SMAD4: variants seen among roughly 807,000 people sequenced by gnomAD.
SMAD4 encodes the protein MAD homolog 4.
SMAD4 carries 7 observed loss-of-function variants against 63.2 expected under a neutral mutation model. That is an observed-to-expected ratio of 0.11 (90% CI 0.06 to 0.21). The LOEUF (loss-of-function observed/expected upper bound fraction) is 0.21, where lower values mean the gene tolerates loss of function less well. SMAD4 is among the 10% of genes least tolerant of loss of function. SMAD4 has a pLI of 1.00. For missense variants in SMAD4, 312 were observed against 693.8 expected (o/e 0.45, Z 6.18); for synonymous variants, 215 against 235.4 (o/e 0.91, Z 0.79).
At chr18:51,063,944 G>GCAA (rs1437228956) in intron 8 of SMAD4, among the ~76,000 whole-genome samples, 1 of 152,126 alleles carries the variant, frequency 6.6e-6, no homozygotes, top group African/African-American at 2.4e-5. Flanking sequence ...GCATTGGAAA[G>GCAA]TATTTTATTG....
intron 1 of SMAD4, among the ~76,000 whole-genome samples, chr18:51,046,252 C>T (rs774725977): frequency 5.3e-5 from 8 of 152,174 alleles, no homozygotes; most frequent in Non-Finnish European, 8.8e-5. Flanking sequence ...TCCAATTTCT[C>T]GGCTTCTTCA....
chr18:51,081,979 C>T lies in SMAD4; in HGVS notation c.*3512C>T, dbSNP rs1473089079. 1 of 231,934 alleles carries T rather than the reference C, an allele frequency of 4.3e-6. No individual in the cohort carries two copies. The highest frequency in any genetic ancestry group is 8.5e-6 in the Non-Finnish European group (1 of 117,362). 14.4% of individuals were successfully genotyped at this position (231,934 alleles called of 1,614,324 possible). A position where few individuals can be genotyped will look rare whatever the true frequency, so the allele number is the denominator to read the frequency against. Reference sequence around the variant, plus strand: ...AGAGTCACATTAGTTCACACCCTTTCTGAGAGCCTTTTGGGAGAAGCAGTT... The same window carrying T: ...AGAGTCACATTAGTTCACACCCTTTTTGAGAGCCTTTTGGGAGAAGCAGTT... On this transcript the variant is annotated 3_prime_UTR_variant, in exon 12 of 12. Coordinates refer to ENST00000342988, the MANE Select transcript of SMAD4 (RefSeq NM_005359.6).
intron 8 of SMAD4, among the ~76,000 whole-genome samples, chr18:51,061,743 T>G (rs1910021120): frequency 6.6e-6 from 1 of 152,218 alleles, no homozygotes; most frequent in Admixed American, 6.5e-5. Flanking sequence ...GTTTTATATG[T>G]AAATATCTTA....
rs1910636408 is a variant in SMAD4, at chr18:51,082,600, CAG to C, written c.*4136_*4137del. The C allele has an allele frequency of 4.4e-6, 1 of 229,762 alleles. No homozygotes were observed. The highest frequency in any genetic ancestry group is 2.2e-5 in the African/African-American group (1 of 45,004). The allele number at this position is 229,762 out of a possible 1,614,324, so 14.2% of individuals were successfully genotyped here. A position where few individuals can be genotyped will look rare whatever the true frequency, so the allele number is the denominator to read the frequency against. ...TGGTGGAGTTATTTAATATGTATAT[CAG>C]AGGATATACTAGATGGTAACATTTC... On this transcript the variant is annotated 3_prime_UTR_variant, in exon 12 of 12. Transcript: ENST00000342988.
chr18:51,066,403 C>G (rs796115105), intron 9 of SMAD4, among the ~76,000 whole-genome samples: 9 of 150,718 alleles, frequency 6.0e-5, no homozygotes, highest in African/African-American at 1.7e-4. Context: ...TGAAATATTA[C>G]AGGAACATTC....
Position 51,067,174 on chromosome 18 carries a change from G to C in SMAD4, c.1295G>C (p.Ser432Thr), listed in dbSNP as rs770301659. 2.5e-6 allele frequency: 4 copies of C among 1,581,412 alleles called. No individual in the cohort carries two copies. The change falls in exon 10 of 12, where the codon AGT becomes ACT. Residue 432 changes from serine to threonine, a missense_variant. By Grantham distance (58) the Ser-to-Thr change is moderately conservative (BLOSUM62 1). Coordinates refer to ENST00000342988, the MANE Select transcript of SMAD4 (RefSeq NM_005359.6). The stretch of plus-strand genomic sequence containing the variant: ...GATGCTGTTCATAAGATCTACCCAA[G>C]TGCATATATAAAGGTTAGTTACAAT... ...PGDAVHKIYP[S>T]AYIKVFDLRQ... is the part of the protein sequence containing the mutation.
chr18:51,063,804 A>G (rs1910080964), intron 8 of SMAD4, among the ~76,000 whole-genome samples: 1 of 152,240 alleles, frequency 6.6e-6, no homozygotes, highest in South Asian at 2.1e-4. Context: ...TGTTCTAAGC[A>G]TAATGAAATA....
chr18:51,038,869 C>G (rs1388218429), intron 1 of SMAD4, among the ~76,000 whole-genome samples: 3 of 152,078 alleles, frequency 2.0e-5, no homozygotes, highest in Non-Finnish European at 4.4e-5. Flanking sequence ...CGCATAAAAG[C>G]TATTTGGTGT....
intron 10 of SMAD4, among the ~76,000 whole-genome samples, chr18:51,073,382 T>TA (rs1910373871): frequency 1.1e-5 from 1 of 88,112 alleles, no homozygotes; most frequent in African/African-American, 4.2e-5. Flanking sequence ...TATATATATA[T>TA]ATATATACAC....
rs541675522 is a variant in SMAD4 at position 51,072,873 on chromosome 18, G to A, written c.1309-3765G>A. Among the ~76,000 whole-genome samples the A allele has an allele frequency of 2.3e-4, 35 of 152,166 alleles. 1 individual carries two copies. Among genetic ancestry groups the A allele is most frequent in the Non-Finnish European group, 3.5e-4 (24 of 68,024 alleles). ...CAATTTAGTCAAATTATGAAAGGAAGACAGTAGCATTTCAATAATAGCTTT... is the reference window on the plus strand; with the variant it reads ...CAATTTAGTCAAATTATGAAAGGAAAACAGTAGCATTTCAATAATAGCTTT... On this transcript the variant is annotated intron_variant, in intron 10 of 11. Coordinates refer to ENST00000342988, the MANE Select transcript of SMAD4 (RefSeq NM_005359.6).
chr18:51,038,256 G>C lies in SMAD4; in HGVS notation c.-128+7633G>C, dbSNP rs577090485. Among the ~76,000 whole-genome samples the C allele has an allele frequency of 1.7e-3, 257 of 150,622 alleles. 1 individual carries two copies. The highest frequency in any genetic ancestry group is 5.5e-3 in the African/African-American group (226 of 41,332). ...TAGGCTACAGAGCGAGACTGTGGGG[G>C]GGGGGGCAGTATGAGGAAGTGTGTC... is the stretch of plus-strand genomic sequence containing the variant. On this transcript the variant is annotated intron_variant, in intron 1 of 11. Coordinates refer to ENST00000342988, the MANE Select transcript of SMAD4 (RefSeq NM_005359.6).
chr18:51,082,253 T>G lies in SMAD4; in HGVS notation c.*3786T>G, dbSNP rs1910628540. On this transcript the variant is annotated 3_prime_UTR_variant, in exon 12 of 12. Transcript: ENST00000342988. Reference sequence around the variant, plus strand: ...CCCGTAAAGGCAGAATCCATCTTGTTGCAGATAGCTATCTAAATAATCTCA... The same window carrying G: ...CCCGTAAAGGCAGAATCCATCTTGTGGCAGATAGCTATCTAAATAATCTCA... The G allele has an allele frequency of 1.3e-5, 3 of 229,690 alleles. No homozygotes were observed. The highest frequency in any genetic ancestry group is 2.6e-5 in the Non-Finnish European group (3 of 115,960). 14.2% of individuals were successfully genotyped at this position (229,690 alleles called of 1,614,324 possible).
intron 10 of SMAD4, among the ~76,000 whole-genome samples, chr18:51,069,032 A>G (rs750988272): frequency 1.3e-5 from 2 of 152,204 alleles, no homozygotes; most frequent in South Asian, 2.1e-4. Flanking sequence ...ACTGGTATGT[A>G]TAATGGAATT....
chr18:51,084,018 A>G lies in SMAD4; in HGVS notation c.*5551A>G, dbSNP rs202140561. 380 of 99,014 alleles carry G rather than the reference A, an allele frequency of 3.8e-3. 2 individuals are homozygous for G. The highest frequency in any genetic ancestry group is 0.029 in the East Asian group (136 of 4,708). 6.1% of individuals were successfully genotyped at this position (99,014 alleles called of 1,614,324 possible). Reference sequence around the variant, plus strand: ...CGCGTGCGCACGCGCGCGCGCACACACACACACACACACACACACACACAC... The same window carrying G: ...CGCGTGCGCACGCGCGCGCGCACACGCACACACACACACACACACACACAC... On this transcript the variant is annotated 3_prime_UTR_variant, in exon 12 of 12. Coordinates refer to ENST00000342988, the MANE Select transcript of SMAD4 (RefSeq NM_005359.6).
intron 4 of SMAD4, chr18:51,053,512 A>C (rs886351435): frequency 2.0e-5 from 3 of 152,106 alleles, no homozygotes; most frequent in Admixed American, 2.0e-4. Context: ...TGTTTCCATA[A>C]AATTTCTAAA....
intron 1 of SMAD4, chr18:51,044,810 G>C (rs562286436): frequency 6.6e-6 from 1 of 152,266 alleles, no homozygotes; most frequent in South Asian, 2.1e-4. Flanking sequence ...TCCAGATTCA[G>C]AGTAACTTCA....
At chr18:51,040,237 C>T (rs1247185953) in intron 1 of SMAD4, among the ~76,000 whole-genome samples, 1 of 151,938 alleles carries the variant, frequency 6.6e-6, no homozygotes, top group Non-Finnish European at 1.5e-5. Context: ...CCATCCTGGC[C>T]AACGTGGTGA....
intron 1 of SMAD4, among the ~76,000 whole-genome samples, chr18:51,036,166 TG>T (rs1038752342): frequency 4.0e-5 from 6 of 151,130 alleles, no homozygotes; most frequent in African/African-American, 1.5e-4. Flanking sequence ...TTTGTAGAAA[TG>T]GGGGGGCGGG....
Position 51,080,318 on chromosome 18 carries a change from T to G in SMAD4, c.*1851T>G. On this transcript the variant is annotated 3_prime_UTR_variant, in exon 12 of 12. Coordinates refer to ENST00000342988, the MANE Select transcript of SMAD4 (RefSeq NM_005359.6). ...AACTTATCTACCACCTCATTTGTAC[T>G]CTTGATTACTTACAAATTCTTTCAG... is the stretch of plus-strand genomic sequence containing the variant. 1 of 232,174 alleles carries G rather than the reference T, an allele frequency of 4.3e-6. No individual in the cohort carries two copies. Among genetic ancestry groups the G allele is most frequent in the Non-Finnish European group, 8.5e-6 (1 of 117,384 alleles). 14.4% of individuals were successfully genotyped at this position (232,174 alleles called of 1,614,324 possible). A position where few individuals can be genotyped will look rare whatever the true frequency, so the allele number is the denominator to read the frequency against.
Sources: allele counts gnomAD v4.1 joint callset (sites outside exome capture counted in the v4.1 genomes callset), GRCh38; gene constraint gnomAD v4.1.1; transcripts MANE v1.5; gene names NCBI Gene and HGNC (gene_info 2026-07-23, HGNC 2026-07-21).